The following GTF3C3 variants were observed in gnomAD, a reference collection of about 807,000 sequenced individuals.
GTF3C3 encodes the protein general transcription factor IIIC subunit 3.
A neutral mutation model predicts 105.2 loss-of-function variants in GTF3C3; 75 were observed. That is an observed-to-expected ratio of 0.71 (90% CI 0.59 to 0.86). GTF3C3 has a LOEUF of 0.86. Among genes scored for constraint, GTF3C3 ranks in the 40% least tolerant of loss-of-function variants. The probability of loss-of-function intolerance (pLI) is 0.00; values close to 1 mark genes in which losing one functional copy is unlikely to be tolerated. For synonymous variants in GTF3C3, 335 were observed against 370.4 expected, an observed-to-expected ratio of 0.90 and a Z score of 1.10; for missense variants, 856 against 1,076.5, an observed-to-expected ratio of 0.80 and a Z score of 2.87.
At chr2:196,782,225 G>C (rs1234131101) in intron 8 of GTF3C3, among the ~76,000 whole-genome samples, 2 of 152,158 alleles carry the variant, frequency 1.3e-5, no homozygotes, top group African/African-American at 4.8e-5. Flanking sequence ...CAGCAAGAAG[G>C]CACCATCTAT....
chr2:196,772,376 C>G lies in GTF3C3; in HGVS notation c.2070-438G>C, dbSNP rs533708264. On this transcript the variant is annotated intron_variant, in intron 14 of 17. Coordinates refer to ENST00000263956, the MANE Select transcript of GTF3C3 (RefSeq NM_012086.5). ...CCAGCCTGACCAACATGGAGAAACC[C>G]CGTCTCTACTAAAAATACAAAATGA... 4.6e-5 allele frequency among the ~76,000 whole-genome samples: 7 copies of G among 152,176 alleles called. No homozygotes were observed. The East Asian group carries it at 1.4e-3, about 29-fold the overall frequency.
chr2:196,777,741 A>G (rs1256985428), intron 10 of GTF3C3: 2 of 152,148 alleles, frequency 1.3e-5, no homozygotes, highest in East Asian at 3.8e-4. Context: ...TTTCTTTATC[A>G]TTTTTAGATG....
At chr2:196,781,342 G>GAAAAAAAAAAA (rs769914255) in intron 8 of GTF3C3, among the ~76,000 whole-genome samples, 3 of 31,452 alleles carry the variant, frequency 9.5e-5, no homozygotes, top group African/African-American at 3.6e-4. Context: ...ATGTTAAGGG[G>GAAAAAAAAAAA]AAAAAAAAAA....
chr2:196,780,395 AG>A, intron 9 of GTF3C3, 163 bp downstream of exon 9: 2 of 1,263,330 alleles, frequency 1.6e-6, no homozygotes, highest in South Asian at 5.6e-5. Context: ...AAACAATTTT[AG>A]TTTTTATAAG....
In GTF3C3 at chr2:196,790,111, A is replaced by G. The variant is rs376311899; in HGVS notation, c.536-41T>C. 1.1e-4 allele frequency: 159 copies of G among 1,386,394 alleles called. No homozygotes were observed. The African/African-American group carries it at 2.1e-3, about 19-fold the overall frequency. 85.9% of individuals were successfully genotyped at this position (1,386,394 alleles called of 1,614,324 possible). A position where few individuals can be genotyped will look rare whatever the true frequency, so the allele number is the denominator to read the frequency against. ...AAAATAAATTCCATTGGCTGAGAGA[A>G]GAGGCTTGAGTTGATGTCCATCCCA... is the stretch of plus-strand genomic sequence containing the variant. On this transcript the variant is annotated intron_variant, in intron 4 of 17. Coordinates refer to ENST00000263956, the MANE Select transcript of GTF3C3 (RefSeq NM_012086.5).
chr2:196,799,520 C>G lies in GTF3C3; in HGVS notation c.92G>C (p.Arg31Pro), dbSNP rs1453881176. The change falls in exon 1 of 18, where the codon CGC becomes CCC. Residue 31 changes from arginine (R) to proline (P), a missense_variant. Physicochemically the swap from Arg to Pro is moderately radical, Grantham distance 103. Coordinates refer to ENST00000263956, the MANE Select transcript of GTF3C3 (RefSeq NM_012086.5). ...CTAGCATCGCCTCACTTTCTTCTCG[C>G]GGGTTTTTCTCTCTTCTCTCCGCCG... is the stretch of plus-strand genomic sequence containing the variant. ...FERRREERKTREKKSLQEKGK... is the reference protein window; with the variant it reads ...FERRREERKTPEKKSLQEKGK... 6.2e-7 allele frequency: 1 copy of G among 1,613,618 alleles called. No homozygotes were observed. The highest frequency in any genetic ancestry group is 8.5e-7 in the Non-Finnish European group (1 of 1,179,530).
chr2:196,768,252 C>G (rs1699107664), intron 16 of GTF3C3, among the ~76,000 whole-genome samples: 1 of 151,828 alleles, frequency 6.6e-6, no homozygotes, highest in African/African-American at 2.4e-5. Flanking sequence ...CCTGACACCT[C>G]AAGTGATCCA....
intron 13 of GTF3C3, chr2:196,773,695 G>C (rs1219315685): frequency 4.6e-6 from 2 of 434,994 alleles, no homozygotes; most frequent in South Asian, 1.7e-5. Context: ...TGGGAGCCCT[G>C]AGCTTGTTTT....
intron 7 of GTF3C3, 98 bp downstream of exon 7, chr2:196,785,343 C>T (rs530791965): frequency 1.5e-5 from 12 of 824,344 alleles, no homozygotes; most frequent in Admixed American, 2.6e-5. Context: ...TAAATATATA[C>T]ATAATTTAAC....
intron 15 of GTF3C3, among the ~76,000 whole-genome samples, chr2:196,770,669 T>C (rs1451345258): frequency 6.6e-6 from 1 of 152,178 alleles, no homozygotes; most frequent in African/African-American, 2.4e-5. Context: ...AGCAAGTTTT[T>C]CTCATAAAGG....
At position 196,772,923 on chromosome 2, in the gene GTF3C3, AG is replaced by A. The variant is rs746301047; in HGVS notation, c.2061del (p.Tyr688IlefsTer4). On this transcript the variant is annotated frameshift_variant, in exon 14 of 18. Transcript: ENST00000263956. LOFTEE classifies it high-confidence loss of function. Reference protein sequence around the residue: ...ILDKNFRKAYNYIRIMVMENV... With the variant: ...ILDKNFRKAYXYIRIMVMENV... Reference sequence around the variant, plus strand: ...AAATAACTGGGAAATCACCTGATATAGTTGTATGCCTTTCTGAAATTTTTGT... The same window carrying A: ...AAATAACTGGGAAATCACCTGATATATTGTATGCCTTTCTGAAATTTTTGT... 1 of 1,450,996 alleles carries A rather than the reference AG, an allele frequency of 6.9e-7. No homozygotes were observed. The highest frequency in any genetic ancestry group is 9.4e-7 in the Non-Finnish European group (1 of 1,058,538). 89.9% of individuals were successfully genotyped at this position (1,450,996 alleles called of 1,614,324 possible).
At chr2:196,792,794 T>A (rs1576036518) in intron 3 of GTF3C3, among the ~76,000 whole-genome samples, 162 bp downstream of exon 3, 1 of 152,170 alleles carries the variant, frequency 6.6e-6, no homozygotes, top group South Asian at 2.1e-4. Flanking sequence ...AGGTTTTACA[T>A]AAACATTATC....
At position 196,793,135 on chromosome 2, in the gene GTF3C3, C is replaced by A. The variant is rs1576037061; in HGVS notation, c.232G>T (p.Val78Leu). Residue 78 changes from valine (V) to leucine (L), a missense_variant, in exon 3 of 18, where the codon GTG becomes TTG. By Grantham distance (32) the Val-to-Leu change is conservative. Around this residue, in one of 3 missense-constraint regions of GTF3C3, gnomAD observed 117 missense variants for 114.0 expected, o/e 1.03. Coordinates refer to ENST00000263956, the MANE Select transcript of GTF3C3 (RefSeq NM_012086.5). The stretch of plus-strand genomic sequence containing the variant: ...AAGACCTTGTGAACTGACTTCCTCA[C>A]TCCATCTGATGTTTCTCCTGAGAAA... ...DVNEGETSDGVRKSVHKVFAS... is the reference protein window; with the variant it reads ...DVNEGETSDGLRKSVHKVFAS... The A allele has an allele frequency of 3.1e-6, 5 of 1,610,260 alleles. No homozygotes were observed. Among genetic ancestry groups the A allele is most frequent in the Non-Finnish European group, 4.2e-6 (5 of 1,177,412 alleles).
intron 2 of GTF3C3, among the ~76,000 whole-genome samples, chr2:196,795,356 C>T (rs748048056): frequency 2.6e-5 from 4 of 152,170 alleles, no homozygotes; most frequent in Non-Finnish European, 4.4e-5. Context: ...AAAACTCTTA[C>T]GCATACTCAC....
At chr2:196,790,847 A>G (rs891965734) in intron 4 of GTF3C3, among the ~76,000 whole-genome samples, 4 of 152,116 alleles carry the variant, frequency 2.6e-5, no homozygotes, top group South Asian at 2.1e-4. Flanking sequence ...AATTTGGCAA[A>G]ACATCAAGGA....
Position 196,764,399 on chromosome 2 carries a change from A to C in GTF3C3, c.*164T>G, listed in dbSNP as rs886837155. 1.7e-6 allele frequency: 1 copy of C among 582,996 alleles called. No homozygotes were observed. Among genetic ancestry groups the C allele is most frequent in the Non-Finnish European group, 2.7e-6 (1 of 365,268 alleles). The allele number at this position is 582,996 out of a possible 1,614,324, so 36.1% of individuals were successfully genotyped here. On this transcript the variant is annotated 3_prime_UTR_variant, in exon 18 of 18. Transcript: ENST00000263956. Reference sequence around the variant, plus strand: ...AATTTTTGTAGGAATAATTTTGCATATATACCACAAGATCATTATCACATA... The same window carrying C: ...AATTTTTGTAGGAATAATTTTGCATCTATACCACAAGATCATTATCACATA...
intron 7 of GTF3C3, 74 bp downstream of exon 7, chr2:196,785,367 T>G (rs1460968401): frequency 1.6e-6 from 2 of 1,220,338 alleles, no homozygotes; most frequent in African/African-American, 1.5e-5. Flanking sequence ...AACGAAGAAC[T>G]GCCAATTTTT....
Position 196,771,915 on chromosome 2 carries a change from T to C in GTF3C3, c.2093A>G (p.Asn698Ser), listed in dbSNP as rs748939858. Residue 698 changes from asparagine (N) to serine (S), a missense_variant, in exon 15 of 18, where the codon AAT (asparagine) becomes AGT (serine). Coordinates refer to ENST00000263956, the MANE Select transcript of GTF3C3 (RefSeq NM_012086.5). ...YIRIMVMENV[N>S]KPQLWNIFNQ... ...GAAAATGTTCCAGAGCTGGGGTTTA[T>C]TGACATTTTCCATTACCATTATCCT... 11 of 1,612,474 alleles carry C rather than the reference T, an allele frequency of 6.8e-6. No individual in the cohort carries two copies. In the East Asian group the frequency reaches 2.0e-4, roughly 29 times the overall value.
chr2:196,778,875 C>T (rs760287815), intron 10 of GTF3C3, 21 bp downstream of exon 10: 14 of 1,608,914 alleles, frequency 8.7e-6, no homozygotes, highest in Non-Finnish European at 1.2e-5. Flanking sequence ...AAAACTTCTT[C>T]CTCCCACAAA....
Sources: gnomAD v4.1 joint callset for allele counts (sites outside exome capture counted in the v4.1 genomes callset) on GRCh38, gnomAD v4.1.1 for gene constraint, gnomAD v4.1.1 regional missense constraint, MANE v1.5 for transcripts, NCBI Gene and HGNC (gene_info 2026-07-23, HGNC 2026-07-21) for gene names.